EBF1: variants seen among roughly 807,000 people sequenced by gnomAD.
The protein encoded by EBF1 is EBF transcription factor 1.
A neutral mutation model predicts 68.4 loss-of-function variants in EBF1; 10 were observed. The observed-to-expected ratio is 0.15, with a 90% CI of 0.09 to 0.25. The LOEUF (loss-of-function observed/expected upper bound fraction) is 0.25, where lower values mean the gene tolerates loss of function less well. EBF1 is among the 10% of genes least tolerant of loss of function. The probability of loss-of-function intolerance (pLI) is 1.00; values close to 1 mark genes in which losing one functional copy is unlikely to be tolerated. For synonymous variants in EBF1, 298 were observed against 299.8 expected (o/e 0.99, Z 0.06); for missense variants, 509 against 794.4 (o/e 0.64, Z 4.32).
intron 10 of EBF1, among the ~76,000 whole-genome samples, chr5:158,747,841 T>C (rs928237087): frequency 2.0e-5 from 3 of 152,198 alleles, no homozygotes; most frequent in Non-Finnish European, 2.9e-5. Context: ...CTGTGAAGTC[T>C]GTACTGTTAT....
intron 6 of EBF1, among the ~76,000 whole-genome samples, chr5:158,855,005 AG>A (rs1415200649): frequency 6.6e-6 from 1 of 152,206 alleles, no homozygotes; most frequent in African/African-American, 2.4e-5. Flanking sequence ...AAAGAACCCC[AG>A]GTCACATATA....
intron 6 of EBF1, among the ~76,000 whole-genome samples, chr5:158,955,333 G>C (rs1377195883): frequency 6.6e-6 from 1 of 151,692 alleles, no homozygotes; most frequent in South Asian, 2.1e-4. Context: ...AAAAAAAAAA[G>C]AGAGAGAGAG....
intron 6 of EBF1, among the ~76,000 whole-genome samples, chr5:158,991,496 A>C (rs1363380034): frequency 6.6e-6 from 1 of 152,228 alleles, no homozygotes; most frequent in East Asian, 1.9e-4. Flanking sequence ...ATGTTTTGCC[A>C]CTACTTCTTG....
intron 10 of EBF1, among the ~76,000 whole-genome samples, chr5:158,755,279 C>T (rs547625517): frequency 3.4e-4 from 52 of 152,074 alleles, no homozygotes; most frequent in Non-Finnish European, 4.4e-4. Context: ...ATCTTTCCTA[C>T]CCTGAGCCCC....
At chr5:158,784,174 T>C (rs1776970456) in intron 9 of EBF1, among the ~76,000 whole-genome samples, 1 of 152,200 alleles carries the variant, frequency 6.6e-6, no homozygotes, top group South Asian at 2.1e-4. Flanking sequence ...TGTAGTATTA[T>C]GGGGTAGGTA....
chr5:158,700,699 T>A (rs1289502743), intron 15 of EBF1, among the ~76,000 whole-genome samples: 2 of 152,030 alleles, frequency 1.3e-5, no homozygotes, highest in African/African-American at 2.4e-5. Context: ...CGTTAATTTT[T>A]AAACCCATCT....
chr5:158,831,488 A>C (rs180755513), intron 7 of EBF1, among the ~76,000 whole-genome samples: 1 of 152,278 alleles, frequency 6.6e-6, no homozygotes. Flanking sequence ...TTTAGTTCTT[A>C]CTGGGGACAG....
At chr5:159,064,524 C>G (rs142176649) in intron 6 of EBF1, among the ~76,000 whole-genome samples, 2 of 152,096 alleles carry the variant, frequency 1.3e-5, no homozygotes, top group Non-Finnish European at 2.9e-5. Flanking sequence ...TGGTATACCC[C>G]GACGTGCTCT....
intron 6 of EBF1, among the ~76,000 whole-genome samples, chr5:159,033,893 T>A (rs145755806): frequency 1.2e-4 from 19 of 152,344 alleles, no homozygotes; most frequent in Admixed American, 7.8e-4. Context: ...CTTTGTCTCC[T>A]GGGACATCTA....
chr5:158,955,844 G>A (rs941963369), intron 6 of EBF1, among the ~76,000 whole-genome samples: 1 of 152,178 alleles, frequency 6.6e-6, no homozygotes, highest in African/African-American at 2.4e-5. Context: ...AGATGCTGCA[G>A]GTTCAGCCAG....
At chr5:158,926,690 C>T (rs1303319920) in intron 6 of EBF1, among the ~76,000 whole-genome samples, 1 of 148,510 alleles carries the variant, frequency 6.7e-6, no homozygotes, top group Non-Finnish European at 1.5e-5. Context: ...AGCCACTGCA[C>T]TCCAGCCTGG....
At chr5:159,052,366 C>A (rs947068241) in intron 6 of EBF1, among the ~76,000 whole-genome samples, 24 of 127,958 alleles carry the variant, frequency 1.9e-4, no homozygotes, top group East Asian at 1.3e-3. Flanking sequence ...AAAAAAAAAA[C>A]CACAGCAAAA....
At chr5:158,958,969 C>T (rs2127528680) in intron 6 of EBF1, among the ~76,000 whole-genome samples, 1 of 152,250 alleles carries the variant, frequency 6.6e-6, no homozygotes, top group Middle Eastern at 3.4e-3. Context: ...CTCAAGTTGT[C>T]CCCAAGTCAT....
intron 15 of EBF1, 45 bp downstream of exon 15, chr5:158,707,934 G>T: frequency 6.5e-7 from 1 of 1,534,474 alleles, no homozygotes; most frequent in Non-Finnish European, 8.8e-7. Flanking sequence ...GGAGGGTGAA[G>T]TCAGGGCATT....
chr5:159,082,036 T>A (rs1417694388), intron 5 of EBF1, among the ~76,000 whole-genome samples: 1 of 152,200 alleles, frequency 6.6e-6, no homozygotes, highest in East Asian at 1.9e-4. Context: ...CAGTCCCTTA[T>A]CCAGCCCAGG....
chr5:158,857,712 C>T (rs1794303960), intron 6 of EBF1, among the ~76,000 whole-genome samples: 1 of 152,130 alleles, frequency 6.6e-6, no homozygotes, highest in African/African-American at 2.4e-5. Context: ...GGAAAAAATC[C>T]ATTTAACTTT....
At chr5:158,807,115 C>T (rs182100651) in intron 8 of EBF1, among the ~76,000 whole-genome samples, 1 of 152,238 alleles carries the variant, frequency 6.6e-6, no homozygotes, top group East Asian at 1.9e-4. Flanking sequence ...TACCGCTGAT[C>T]TCAGGATCAA....
intron 6 of EBF1, among the ~76,000 whole-genome samples, chr5:159,049,609 T>A (rs1163820325): frequency 1.3e-5 from 2 of 152,246 alleles, no homozygotes; most frequent in Non-Finnish European, 2.9e-5. Flanking sequence ...AGGACTAAAT[T>A]GAAATTAGAT....
intron 8 of EBF1, among the ~76,000 whole-genome samples, chr5:158,804,671 T>C (rs984163259): frequency 6.6e-6 from 1 of 152,162 alleles, no homozygotes; most frequent in African/African-American, 2.4e-5. Context: ...TGTTTCATAA[T>C]ATGCAAAAAT....
Sources: gnomAD v4.1 joint callset for allele counts (sites outside exome capture counted in the v4.1 genomes callset) on GRCh38, gnomAD v4.1.1 for gene constraint, MANE v1.5 for transcripts, NCBI Gene and HGNC (gene_info 2026-07-23, HGNC 2026-07-21) for gene names.